PAN3: variants seen among roughly 807,000 people sequenced by gnomAD.
PAN3 encodes the protein PAN2-PAN3 deadenylation complex subunit PAN3.
A neutral mutation model predicts 96.2 loss-of-function variants in PAN3; 19 were observed. The observed-to-expected ratio is 0.20, with a 90% CI of 0.14 to 0.29. The LOEUF (loss-of-function observed/expected upper bound fraction) is 0.29. PAN3 is among the 10% of genes least tolerant of loss of function. The pLI is 1.00. For missense variants in PAN3, 882 were observed against 1,108.1 expected, an observed-to-expected ratio of 0.80 and a Z score of 2.90; for synonymous variants, 433 against 406.6, an observed-to-expected ratio of 1.06 and a Z score of -0.78.
intron 1 of PAN3, among the ~76,000 whole-genome samples, chr13:28,161,179 G>A (rs1337398856): frequency 1.3e-5 from 2 of 151,640 alleles, no homozygotes; most frequent in Non-Finnish European, 2.9e-5. Flanking sequence ...TTATTATGTG[G>A]CTCTATTGTA....
At chr13:28,229,039 G>A (rs1352976329) in intron 6 of PAN3, among the ~76,000 whole-genome samples, 1 of 152,188 alleles carries the variant, frequency 6.6e-6, no homozygotes, top group South Asian at 2.1e-4. Flanking sequence ...GGAAGGGGAA[G>A]AGCATGAAGG....
At chr13:28,155,915 T>G (rs991042784) in intron 1 of PAN3, among the ~76,000 whole-genome samples, 1 of 152,148 alleles carries the variant, frequency 6.6e-6, no homozygotes, top group East Asian at 1.9e-4. Context: ...CTGATGTGGT[T>G]AGAGAATAGG....
intron 1 of PAN3, among the ~76,000 whole-genome samples, chr13:28,161,265 G>T (rs966890143): frequency 6.6e-6 from 1 of 152,130 alleles, no homozygotes; most frequent in African/African-American, 2.4e-5. Flanking sequence ...TAAGATCAAG[G>T]TGTTGGCTGG....
intron 5 of PAN3, among the ~76,000 whole-genome samples, chr13:28,200,354 A>T (rs1308431180): frequency 6.6e-6 from 1 of 152,152 alleles, no homozygotes; most frequent in African/African-American, 2.4e-5. Context: ...AACTTTAAAC[A>T]TTCCTTTACG....
chr13:28,194,034 G>T (rs1434091576), intron 4 of PAN3, among the ~76,000 whole-genome samples: 1 of 151,816 alleles, frequency 6.6e-6, no homozygotes, highest in African/African-American at 2.4e-5. Context: ...GCAGGCGTCT[G>T]TAATCCCAGC....
At chr13:28,278,651 C>T (rs377519771) in intron 15 of PAN3, among the ~76,000 whole-genome samples, 25 of 151,926 alleles carry the variant, frequency 1.6e-4, no homozygotes, top group African/African-American at 2.9e-4. Context: ...AACCATGTAT[C>T]GGGCCCTTTC....
At chr13:28,286,634 C>G (rs1869005777) in intron 17 of PAN3, among the ~76,000 whole-genome samples, 1 of 152,178 alleles carries the variant, frequency 6.6e-6, no homozygotes, top group Non-Finnish European at 1.5e-5. Context: ...CTATCTGCCT[C>G]TGCATTCCAG....
intron 12 of PAN3, among the ~76,000 whole-genome samples, chr13:28,267,695 GA>G (rs752195911): frequency 6.6e-6 from 1 of 152,154 alleles, no homozygotes; most frequent in Non-Finnish European, 1.5e-5. Flanking sequence ...AGAAGTGAAT[GA>G]GAGCCAAGTA....
chr13:28,244,497 G>A (rs1007464908), intron 6 of PAN3, among the ~76,000 whole-genome samples: 3 of 152,018 alleles, frequency 2.0e-5, no homozygotes, highest in African/African-American at 7.3e-5. Context: ...TATTGAGCAG[G>A]TCATCTCCTC....
At chr13:28,222,669 G>A (rs1881529017) in intron 6 of PAN3, among the ~76,000 whole-genome samples, 1 of 152,058 alleles carries the variant, frequency 6.6e-6, no homozygotes, top group South Asian at 2.1e-4. Context: ...TACAAATGTT[G>A]TTTTGTTTAA....
intron 5 of PAN3, among the ~76,000 whole-genome samples, chr13:28,212,071 T>A (rs76514152): frequency 1.6e-3 from 250 of 152,322 alleles, no homozygotes; most frequent in African/African-American, 5.6e-3. Flanking sequence ...CTTGAATCTT[T>A]AGCTGATGTG....
chr13:28,149,335 C>T (rs914065444), intron 1 of PAN3, among the ~76,000 whole-genome samples: 1 of 152,228 alleles, frequency 6.6e-6, no homozygotes, highest in East Asian at 1.9e-4. Flanking sequence ...TGCCCTCCAG[C>T]AAGACCCTGT....
Position 28,139,077 on chromosome 13 carries a change from G to A in PAN3, c.420G>A (p.Pro140=), listed in dbSNP as rs1421825051. 8.7e-6 allele frequency: 11 copies of A among 1,268,602 alleles called. No individual in the cohort carries two copies. Among genetic ancestry groups the A allele is most frequent in the Non-Finnish European group, 1.1e-5 (11 of 1,008,548 alleles). The allele number at this position is 1,268,602 out of a possible 1,614,324, so 78.6% of individuals were successfully genotyped here. The change falls in exon 1 of 19, where the codon CCG becomes CCA. Residue 140 remains proline, a synonymous_variant. Transcript: ENST00000380958. ...GCAGTAGCGGGGGACTCGATGGACC[G>A]CGGCTGGCAAGTGAGTGTTTTTCGG... The part of the protein sequence containing the change: ...GGGSSGGLDG[P]RLAIPGMDGG...
chr13:28,214,916 C>T (rs1181656245), intron 5 of PAN3: 24 of 1,196,504 alleles, frequency 2.0e-5, no homozygotes, highest in Middle Eastern at 5.1e-4. Flanking sequence ...GGCAGGCTGG[C>T]GACCATGCCC....
At chr13:28,150,028 T>C (rs915283443) in intron 1 of PAN3, among the ~76,000 whole-genome samples, 3 of 152,238 alleles carry the variant, frequency 2.0e-5, no homozygotes, top group African/African-American at 7.2e-5. Flanking sequence ...ATTTTAACTT[T>C]CTTATTTTGC....
chr13:28,177,466 C>T (rs1220854393), intron 3 of PAN3, among the ~76,000 whole-genome samples: 1 of 152,128 alleles, frequency 6.6e-6, no homozygotes, highest in Non-Finnish European at 1.5e-5. Flanking sequence ...CTCTCAGAGT[C>T]TATGGTTGAC....
intron 17 of PAN3, among the ~76,000 whole-genome samples, chr13:28,284,920 G>A (rs564177524): frequency 6.5e-4 from 99 of 152,106 alleles, no homozygotes; most frequent in African/African-American, 2.2e-3. Context: ...CATATTTATC[G>A]TGTTTAAACT....
chr13:28,201,902 G>C (rs1362078378), intron 5 of PAN3, among the ~76,000 whole-genome samples: 1 of 152,112 alleles, frequency 6.6e-6, no homozygotes, highest in Non-Finnish European at 1.5e-5. Flanking sequence ...TACAAATCTG[G>C]AAAGTCTAGA....
At chr13:28,146,981 CA>C (rs201910066) in intron 1 of PAN3, among the ~76,000 whole-genome samples, 19 of 132,622 alleles carry the variant, frequency 1.4e-4, no homozygotes, top group Admixed American at 2.3e-4. Flanking sequence ...GACTCCGTCT[CA>C]AAAAAAAAAG....
Sources: allele counts gnomAD v4.1 joint callset (sites outside exome capture counted in the v4.1 genomes callset), GRCh38; gene constraint gnomAD v4.1.1; transcripts MANE v1.5; gene names NCBI Gene and HGNC (gene_info 2026-07-23, HGNC 2026-07-21).